The following RPL34 variants were observed in gnomAD, a reference collection of about 807,000 sequenced individuals.
RPL34 encodes the protein ribosomal protein L34, also known as large ribosomal subunit protein eL34.
In RPL34, 2 loss-of-function variants were observed where a neutral mutation model predicts 16.3. That is an observed-to-expected ratio of 0.12 (90% confidence interval 0.05 to 0.39). The LOEUF (loss-of-function observed/expected upper bound fraction) is 0.39, where lower values mean the gene tolerates loss of function less well. Ranked by LOEUF, RPL34 falls within the 10% of genes least tolerant of loss-of-function variation. RPL34 has a pLI of 0.99. For synonymous variants in RPL34, 47 were observed against 48.5 expected, an observed-to-expected ratio of 0.97 and a Z score of 0.13; for missense variants, 82 against 148.8, an observed-to-expected ratio of 0.55 and a Z score of 2.33.
rs747070938 is a variant in RPL34, at chr4:108,621,982, G to A, written c.23G>A (p.Arg8Gln). MVQRLTY[R>Q]RRLSYNTASN... ...AGAATGGTCCAGCGTTTGACATACC[G>A]ACGTAGGCTTTCCTACAATACAGCC... The change falls in exon 2 of 5, where the codon CGA (arginine) becomes CAA (glutamine). Residue 8 changes from arginine to glutamine, a missense_variant. By Grantham distance (43) the Arg-to-Gln change is conservative. Transcript: ENST00000394667. 5.6e-6 allele frequency: 9 copies of A among 1,612,424 alleles called. No homozygotes were observed. The highest frequency in any genetic ancestry group is 2.2e-5 in the East Asian group (1 of 44,868).
downstream of RPL34, among the ~76,000 whole-genome samples, chr4:108,626,388 C>T (rs1383403916): frequency 6.6e-6 from 1 of 151,938 alleles, no homozygotes; most frequent in Non-Finnish European, 1.5e-5. Context: ...CCTCAGCCTC[C>T]CAGCGTGCCA....
At chr4:108,622,911 G>T (rs967454931) in intron 4 of RPL34, 5 of 274,942 alleles carry the variant, frequency 1.8e-5, no homozygotes, top group Non-Finnish European at 2.7e-5. Flanking sequence ...TGTGGAAGGT[G>T]TTAAAAGTGT....
intron 4 of RPL34, 121 bp downstream of exon 4, chr4:108,622,739 C>A (rs763072106): frequency 2.6e-5 from 15 of 567,962 alleles, no homozygotes; most frequent in Non-Finnish European, 4.4e-5. Flanking sequence ...AGAACCCTTT[C>A]TTTGCTATGG....
chr4:108,628,562 C>T (rs1726086448), downstream of RPL34, among the ~76,000 whole-genome samples: 1 of 152,186 alleles, frequency 6.6e-6, no homozygotes, highest in Admixed American at 6.5e-5. Context: ...TGGAAGGAGG[C>T]TCCTCCCTCT....
downstream of RPL34, among the ~76,000 whole-genome samples, chr4:108,627,484 G>T (rs1195009268): frequency 6.6e-6 from 1 of 152,126 alleles, no homozygotes; most frequent in African/African-American, 2.4e-5. Context: ...ACTTGTTCTT[G>T]GTATAAAAAA....
rs537634326 is a variant in RPL34 at position 108,623,852 on chromosome 4, T to C, written c.269+1234T>C. On this transcript the variant is annotated intron_variant, in intron 4 of 4. Coordinates refer to ENST00000394667, the MANE Select transcript of RPL34 (RefSeq NM_001319236.2). Reference sequence around the variant, plus strand: ...AGCTTCTGTGATACACAGCAAAGCTTAACTATGATTGAAGTTTAAAGGAGA... The same window carrying C: ...AGCTTCTGTGATACACAGCAAAGCTCAACTATGATTGAAGTTTAAAGGAGA... 3.3e-4 allele frequency among the ~76,000 whole-genome samples: 50 copies of C among 152,338 alleles called. No homozygotes were observed. In the South Asian group the frequency reaches 9.9e-3, roughly 30 times the overall value.
chr4:108,625,371 T>TTTG, downstream of RPL34: 1 of 513,760 alleles, frequency 1.9e-6, no homozygotes, highest in South Asian at 2.8e-5. Context: ...TTGTTTGTTG[T>TTTG]TTGTTTGTTT....
intron 4 of RPL34, chr4:108,623,173 A>G (rs1021085514): frequency 6.6e-6 from 1 of 152,290 alleles, no homozygotes; most frequent in Non-Finnish European, 1.5e-5. Context: ...CTCTACTAAA[A>G]ATACAAAAAG....
At chr4:108,627,009 G>A (rs1462768630), downstream of RPL34, among the ~76,000 whole-genome samples, 12 of 152,142 alleles carry the variant, frequency 7.9e-5, no homozygotes, top group Non-Finnish European at 1.5e-4. Flanking sequence ...GGAGGCCAAG[G>A]CGGGCGGATC....
chr4:108,628,918 G>T (rs1272849355), downstream of RPL34, among the ~76,000 whole-genome samples: 1 of 152,120 alleles, frequency 6.6e-6, no homozygotes, highest in Non-Finnish European at 1.5e-5. Context: ...CACCTCCTGG[G>T]TTTAAGCCAT....
chr4:108,625,395 G>T, downstream of RPL34: 1 of 494,660 alleles, frequency 2.0e-6, no homozygotes, highest in South Asian at 2.7e-5. Flanking sequence ...GTTTGGTTTG[G>T]TTTTTTTGAG....
intron 4 of RPL34, among the ~76,000 whole-genome samples, chr4:108,624,225 T>C (rs549428674): frequency 2.6e-5 from 4 of 152,248 alleles, no homozygotes; most frequent in Non-Finnish European, 5.9e-5. Context: ...TGAGCAGGTC[T>C]GCATGTGGTC....
At chr4:108,621,259 A>C (rs1725759613) in intron 1 of RPL34, 1 of 152,388 alleles carries the variant, frequency 6.6e-6, no homozygotes, top group African/African-American at 2.4e-5. Flanking sequence ...TACGTTGGGT[A>C]GTTCCCTTAA....
At chr4:108,628,006 C>T (rs1390191544), downstream of RPL34, among the ~76,000 whole-genome samples, 1 of 152,102 alleles carries the variant, frequency 6.6e-6, no homozygotes, top group Admixed American at 6.6e-5. Context: ...ATAGAAAACC[C>T]AGAGCCATTT....
At chr4:108,628,618 T>C (rs1193422429), downstream of RPL34, among the ~76,000 whole-genome samples, 1 of 152,196 alleles carries the variant, frequency 6.6e-6, no homozygotes, top group Non-Finnish European at 1.5e-5. Flanking sequence ...GGACACAGGC[T>C]CTAGCTGGTG....
chr4:108,621,733 C>T, intron 1 of RPL34: 1 of 478,822 alleles, frequency 2.1e-6, no homozygotes, highest in Admixed American at 3.3e-5. Context: ...AAGGAAGTGC[C>T]ACGTTTGATT....
chr4:108,624,392 G>T (rs1725909478), intron 4 of RPL34, among the ~76,000 whole-genome samples: 1 of 152,116 alleles, frequency 6.6e-6, no homozygotes, highest in Non-Finnish European at 1.5e-5. Context: ...GTGGGGGAAG[G>T]TTTAAGTTGA....
chr4:108,622,460 T>C, intron 3 of RPL34, 55 bp from the exon 4 acceptor site: 2 of 1,391,444 alleles, frequency 1.4e-6, no homozygotes, highest in Non-Finnish European at 2.0e-6. Flanking sequence ...CTTAACAAAA[T>C]TTAGGGAAAT....
chr4:108,622,305 G>A lies in RPL34; in HGVS notation c.165+101G>A, dbSNP rs1725817047. On this transcript the variant is annotated intron_variant, in intron 3 of 4. Coordinates refer to ENST00000394667, the MANE Select transcript of RPL34 (RefSeq NM_001319236.2). ...AATCAAGGAGAGGTTACCACTAAGA[G>A]GGTTCAGAATTACTAAACATTCATG... is the stretch of plus-strand genomic sequence containing the variant. 6 of 951,074 alleles carry A rather than the reference G, an allele frequency of 6.3e-6. No individual in the cohort carries two copies. In the South Asian group the frequency reaches 6.8e-5, roughly 11 times the overall value. The allele number at this position is 951,074 out of a possible 1,614,324, so 58.9% of individuals were successfully genotyped here. A position where few individuals can be genotyped will look rare whatever the true frequency, so the allele number is the denominator to read the frequency against.
Sources: gnomAD v4.1 joint callset for allele counts (sites outside exome capture counted in the v4.1 genomes callset) on GRCh38, gnomAD v4.1.1 for gene constraint, MANE v1.5 for transcripts, NCBI Gene and HGNC (gene_info 2026-07-23, HGNC 2026-07-21) for gene names.